Variants in MRPS9 observed in about 807,000 individuals in gnomAD.
The protein encoded by MRPS9 is small ribosomal subunit protein uS9m.
Under a neutral mutation model 59.9 loss-of-function variants are expected in MRPS9, and 45 were observed. That is an observed-to-expected ratio of 0.75 (90% CI 0.59 to 0.96). MRPS9 has a LOEUF of 0.96. Ranked by LOEUF, MRPS9 falls within the 40% of genes least tolerant of loss-of-function variation. The pLI is 0.00. For synonymous variants in MRPS9, 171 were observed against 166.8 expected, an observed-to-expected ratio of 1.03 and a Z score of -0.19; for missense variants, 473 against 481.1, an observed-to-expected ratio of 0.98 and a Z score of 0.16.
At chr2:105,040,768 T>G (rs944122021) in intron 1 of MRPS9, among the ~76,000 whole-genome samples, 1 of 152,206 alleles carries the variant, frequency 6.6e-6, no homozygotes, top group African/African-American at 2.4e-5. Flanking sequence ...TATGGTGTAC[T>G]GTGATATTTA....
At chr2:105,094,963 C>T (rs1272801989) in intron 9 of MRPS9, among the ~76,000 whole-genome samples, 5 of 152,180 alleles carry the variant, frequency 3.3e-5, no homozygotes, top group African/African-American at 7.2e-5. Context: ...ACATCTATGT[C>T]TCCAGTCTTG....
chr2:105,067,774 G>A (rs1355560996), intron 2 of MRPS9, among the ~76,000 whole-genome samples: 1 of 152,168 alleles, frequency 6.6e-6, no homozygotes, highest in African/African-American at 2.4e-5. Flanking sequence ...ATGTGTGCGT[G>A]TGCATGCACA....
Position 105,047,024 on chromosome 2 carries a change from C to T in MRPS9, c.136-2147C>T, listed in dbSNP as rs561987663. On this transcript the variant is annotated intron_variant, in intron 1 of 10. Transcript: ENST00000258455. Reference sequence around the variant, plus strand: ...AAAATCCCCTGGAAAACAGTAAAAACGTTAAGATGGGAACCACTATGGTAG... The same window carrying T: ...AAAATCCCCTGGAAAACAGTAAAAATGTTAAGATGGGAACCACTATGGTAG... Among the ~76,000 whole-genome samples the T allele has an allele frequency of 5.3e-5, 8 of 152,038 alleles. No homozygotes were observed. In the East Asian group the frequency reaches 7.7e-4, roughly 15 times the overall value.
Position 105,097,188 on chromosome 2 carries a change from C to T in MRPS9, c.963C>T (p.Asp321=). Residue 321 remains aspartate, a synonymous_variant, in exon 10 of 11, where the codon GAC becomes GAT. Coordinates refer to ENST00000258455, the MANE Select transcript of MRPS9 (RefSeq NM_182640.3). ...EQLMFPFHFV[D]RLGKHDVTCT... Reference sequence around the variant, plus strand: ...TGATGTTCCCTTTCCACTTTGTTGACCGGCTGGGAAAGCACGACGTGACCT... The same window carrying T: ...TGATGTTCCCTTTCCACTTTGTTGATCGGCTGGGAAAGCACGACGTGACCT... 1 of 1,592,474 alleles carries T rather than the reference C, an allele frequency of 6.3e-7. No individual in the cohort carries two copies. The highest frequency in any genetic ancestry group is 1.1e-5 in the South Asian group (1 of 87,618).
intron 1 of MRPS9, among the ~76,000 whole-genome samples, chr2:105,043,994 G>A (rs984918521): frequency 2.7e-5 from 4 of 149,272 alleles, no homozygotes; most frequent in African/African-American, 7.4e-5. Flanking sequence ...GGAGTGCAGC[G>A]GTGTGATTTC....
chr2:105,051,614 A>G (rs1679711746), intron 2 of MRPS9, among the ~76,000 whole-genome samples: 1 of 152,166 alleles, frequency 6.6e-6, no homozygotes, highest in African/African-American at 2.4e-5. Context: ...CTGAATCTCT[A>G]GATAGATTTT....
chr2:105,048,360 G>C (rs979833142), intron 1 of MRPS9, among the ~76,000 whole-genome samples: 1 of 151,720 alleles, frequency 6.6e-6, no homozygotes, highest in Admixed American at 6.6e-5. Context: ...TGTGGGATGG[G>C]GGGAGGGGAG....
chr2:105,097,474 T>C, intron 10 of MRPS9, 150 bp downstream of exon 10: 1 of 689,156 alleles, frequency 1.5e-6, no homozygotes, highest in Non-Finnish European at 2.1e-6. Flanking sequence ...TACAGAACCA[T>C]AACAGTATTT....
intron 9 of MRPS9, among the ~76,000 whole-genome samples, chr2:105,094,355 T>C (rs1680618087): frequency 6.6e-6 from 1 of 152,188 alleles, no homozygotes; most frequent in South Asian, 2.1e-4. Flanking sequence ...CTCAGAACTC[T>C]CTCTGACTTG....
At chr2:105,044,906 A>AG (rs913830732) in intron 1 of MRPS9, among the ~76,000 whole-genome samples, 3 of 152,222 alleles carry the variant, frequency 2.0e-5, no homozygotes. Context: ...TTGAGTGAGG[A>AG]GGAGCTCTAT....
At chr2:105,099,579 G>A in intron 10 of MRPS9, 91 bp from the exon 11 acceptor site, 3 of 1,233,450 alleles carry the variant, frequency 2.4e-6, no homozygotes, top group African/African-American at 1.5e-5. Context: ...TTTTTTCTCA[G>A]ACAACAGTAC....
intron 8 of MRPS9, among the ~76,000 whole-genome samples, chr2:105,093,053 T>C (rs1052164580): frequency 1.3e-5 from 2 of 152,206 alleles, no homozygotes; most frequent in Admixed American, 1.3e-4. Flanking sequence ...CTTAAAAGAT[T>C]TCACGTCATT....
chr2:105,076,797 AG>A (rs1477357312), intron 4 of MRPS9, among the ~76,000 whole-genome samples: 1 of 152,262 alleles, frequency 6.6e-6, no homozygotes, highest in Non-Finnish European at 1.5e-5. Flanking sequence ...CAAAGACACT[AG>A]GAAATTTGAA....
rs925168436 is a variant in MRPS9 at position 105,071,393 on chromosome 2, T to C, written c.378+18T>C. ...TAATGAAGGTAGTTATCTTAATTAC[T>C]ATTTTAAAAATTTCACTTTTATATG... is the stretch of plus-strand genomic sequence containing the variant. On this transcript the variant is annotated intron_variant, in intron 3 of 10. Coordinates refer to ENST00000258455, the MANE Select transcript of MRPS9 (RefSeq NM_182640.3). 9 of 1,601,736 alleles carry C rather than the reference T, an allele frequency of 5.6e-6. No individual in the cohort carries two copies. Among genetic ancestry groups the C allele is most frequent in the Non-Finnish European group, 5.1e-6 (6 of 1,173,604 alleles).
intron 5 of MRPS9, among the ~76,000 whole-genome samples, chr2:105,087,827 C>CCTTCCTTCCTTA (rs1399527385): frequency 3.7e-5 from 5 of 134,696 alleles, no homozygotes; most frequent in African/African-American, 1.4e-4. Flanking sequence ...TTCCTTCCTT[C>CCTTCCTTCCTTA]CTTCCTTTGA....
At chr2:105,038,266 G>C in intron 1 of MRPS9, 39 bp downstream of exon 1, 1 of 1,589,198 alleles carries the variant, frequency 6.3e-7, no homozygotes, top group Non-Finnish European at 8.6e-7. Flanking sequence ...TACCTCTGCC[G>C]CGCGAGGATG....
intron 1 of MRPS9, among the ~76,000 whole-genome samples, chr2:105,045,512 AT>A (rs1020956115): frequency 2.0e-5 from 3 of 152,172 alleles, no homozygotes; most frequent in African/African-American, 7.2e-5. Context: ...CCTAAAAAAA[AT>A]AGTCTAAAAC....
intron 1 of MRPS9, among the ~76,000 whole-genome samples, chr2:105,041,763 C>A (rs35672588): frequency 0.071 from 10,854 of 151,908 alleles, 519 homozygotes; most frequent in Non-Finnish European, 0.11. Flanking sequence ...ATTTTTAATC[C>A]CAGTTTATTA....
intron 5 of MRPS9, among the ~76,000 whole-genome samples, chr2:105,082,437 T>G (rs1006123846): frequency 6.6e-6 from 1 of 152,212 alleles, no homozygotes; most frequent in African/African-American, 2.4e-5. Context: ...CTCTGTAAAG[T>G]TGACAAATCT....
Sources: allele counts gnomAD v4.1 joint callset (sites outside exome capture counted in the v4.1 genomes callset), GRCh38; gene constraint gnomAD v4.1.1; transcripts MANE v1.5; gene names NCBI Gene and HGNC (gene_info 2026-07-23, HGNC 2026-07-21).